RORA: variants seen among roughly 807,000 people sequenced by gnomAD.
RORA encodes nuclear receptor ROR-alpha.
A neutral mutation model predicts 69.5 loss-of-function variants in RORA; 7 were observed. That is an observed-to-expected ratio of 0.10 (90% CI 0.06 to 0.19). RORA has a LOEUF of 0.19. RORA is among the 10% of genes least tolerant of loss of function. RORA has a pLI of 1.00. For synonymous variants in RORA, 261 were observed against 240.8 expected, an observed-to-expected ratio of 1.08 and a Z score of -0.78; for missense variants, 457 against 663.0, an observed-to-expected ratio of 0.69 and a Z score of 3.41.
chr15:60,883,736 G>C lies in RORA; in HGVS notation c.167-205050C>G, dbSNP rs139793235. Among the ~76,000 whole-genome samples, 5 of 152,316 alleles carry C rather than the reference G, an allele frequency of 3.3e-5. No homozygotes were observed. In the East Asian group the frequency reaches 9.6e-4, roughly 29 times the overall value. On this transcript the variant is annotated intron_variant, in intron 1 of 10. Transcript: ENST00000335670. ...GTGCTACTTTTATAAATAGAAGATA[G>C]ATTGTGTTGTTTGTGCAAAAAGTAA...
chr15:61,100,842 C>T (rs572716966), intron 1 of RORA, among the ~76,000 whole-genome samples: 167 of 152,320 alleles, frequency 1.1e-3, no homozygotes, highest in African/African-American at 3.8e-3. Flanking sequence ...ATCACATCCC[C>T]GGTATGTTGA....
At chr15:61,142,147 GT>G (rs11479734) in intron 1 of RORA, among the ~76,000 whole-genome samples, 40,350 of 151,216 alleles carry the variant, frequency 0.27, 6,104 homozygotes, top group Middle Eastern at 0.37. Context: ...CATTTATAAA[GT>G]TTTTTTTTTT....
At chr15:60,884,769 T>C (rs2073732860) in intron 1 of RORA, among the ~76,000 whole-genome samples, 1 of 152,158 alleles carries the variant, frequency 6.6e-6, no homozygotes, top group Non-Finnish European at 1.5e-5. Flanking sequence ...CAGTATGTCT[T>C]TACCAAGAGA....
intron 2 of RORA, among the ~76,000 whole-genome samples, chr15:60,656,358 AACAG>A (rs1462634720): frequency 5.3e-5 from 8 of 152,222 alleles, no homozygotes; most frequent in Non-Finnish European, 1.0e-4. Context: ...GGCATACAAA[AACAG>A]ACAGACACCA....
chr15:60,588,448 T>TCATCCATCCATCCATCCATC (rs55840229), intron 2 of RORA, among the ~76,000 whole-genome samples: 4 of 150,534 alleles, frequency 2.7e-5, no homozygotes, highest in East Asian at 2.0e-4. Flanking sequence ...GCAAATCTAT[T>TCATCCATCCATCCATCCATC]CATCCATCCA....
intron 1 of RORA, among the ~76,000 whole-genome samples, chr15:60,879,355 A>G (rs2140445051): frequency 6.6e-6 from 1 of 152,026 alleles, no homozygotes; most frequent in East Asian, 1.9e-4. Flanking sequence ...GAGAATAATT[A>G]TGGTACCCAT....
chr15:61,120,713 A>C (rs958239268), intron 1 of RORA, among the ~76,000 whole-genome samples: 14 of 151,778 alleles, frequency 9.2e-5, no homozygotes, highest in Non-Finnish European at 1.6e-4. Context: ...AAAAAAAAAA[A>C]AAAAAACATA....
chr15:60,858,513 C>T (rs1396489675), intron 1 of RORA, among the ~76,000 whole-genome samples: 1 of 147,056 alleles, frequency 6.8e-6, no homozygotes, highest in Non-Finnish European at 1.5e-5. Context: ...TGAGCTCAGG[C>T]GGGAGAAGAA....
intron 3 of RORA, among the ~76,000 whole-genome samples, chr15:60,522,823 G>A (rs2066215506): frequency 6.7e-6 from 1 of 148,206 alleles, no homozygotes; most frequent in East Asian, 2.0e-4. Context: ...TGTAATCCCA[G>A]CGCTTTGGGA....
intron 1 of RORA, among the ~76,000 whole-genome samples, chr15:60,906,628 T>C (rs185395575): frequency 1.3e-4 from 20 of 152,260 alleles, no homozygotes; most frequent in South Asian, 6.2e-4. Flanking sequence ...AGCCAGACTG[T>C]ATCAGAGGCA....
At chr15:60,841,304 A>G (rs2073194416) in intron 1 of RORA, among the ~76,000 whole-genome samples, 1 of 152,162 alleles carries the variant, frequency 6.6e-6, no homozygotes. Context: ...GGGCTGAGTG[A>G]TTGTGTGCTA....
At chr15:61,067,102 T>C (rs2078272998) in intron 1 of RORA, among the ~76,000 whole-genome samples, 1 of 151,212 alleles carries the variant, frequency 6.6e-6, no homozygotes, top group Non-Finnish European at 1.5e-5. Flanking sequence ...TGCATTAGTC[T>C]AAACTTTTTT....
At chr15:60,975,044 C>A (rs902428426) in intron 1 of RORA, among the ~76,000 whole-genome samples, 109 of 152,118 alleles carry the variant, frequency 7.2e-4, no homozygotes, top group Non-Finnish European at 1.5e-3. Flanking sequence ...CGGAATCTTT[C>A]CTGAATGGGA....
At chr15:60,874,193 T>G (rs2073589315) in intron 1 of RORA, among the ~76,000 whole-genome samples, 1 of 152,144 alleles carries the variant, frequency 6.6e-6, no homozygotes, top group Non-Finnish European at 1.5e-5. Flanking sequence ...TGGGTTTTGT[T>G]TTTTTAGGGG....
At chr15:61,173,312 C>T (rs960277942) in intron 1 of RORA, among the ~76,000 whole-genome samples, 2 of 152,190 alleles carry the variant, frequency 1.3e-5, no homozygotes, top group Non-Finnish European at 2.9e-5. Flanking sequence ...TGCTTTTAAC[C>T]ACTGCACTGT....
At chr15:60,775,631 G>T (rs2072154873) in intron 1 of RORA, among the ~76,000 whole-genome samples, 1 of 152,084 alleles carries the variant, frequency 6.6e-6, no homozygotes, top group Non-Finnish European at 1.5e-5. Context: ...CAAGGCACGA[G>T]CACACACACG....
chr15:60,694,486 G>C (rs1003532079), intron 1 of RORA, among the ~76,000 whole-genome samples: 1 of 152,128 alleles, frequency 6.6e-6, no homozygotes, highest in Non-Finnish European at 1.5e-5. Context: ...TTCTCATTTC[G>C]TACAGTTTGG....
intron 1 of RORA, among the ~76,000 whole-genome samples, chr15:61,038,222 G>A (rs936702765): frequency 2.0e-5 from 3 of 152,264 alleles, no homozygotes; most frequent in South Asian, 2.1e-4. Flanking sequence ...TAGCCAAAGC[G>A]CAAGTCTGGG....
chr15:60,989,468 T>C (rs1247474805), intron 1 of RORA, among the ~76,000 whole-genome samples: 1 of 152,252 alleles, frequency 6.6e-6, no homozygotes, highest in South Asian at 2.1e-4. Context: ...CATTAATCAG[T>C]TGATGGATAT....
Sources: allele counts gnomAD v4.1 joint callset (sites outside exome capture counted in the v4.1 genomes callset), GRCh38; gene constraint gnomAD v4.1.1; transcripts MANE v1.5; gene names NCBI Gene and HGNC (gene_info 2026-07-23, HGNC 2026-07-21).